Variants in SGTA observed in about 807,000 individuals in gnomAD.
SGTA encodes small glutamine rich tetratricopeptide repeat co-chaperone alpha.
Under a neutral mutation model 44.3 loss-of-function variants are expected in SGTA, and 22 were observed. The observed-to-expected ratio is 0.50, with a 90% CI of 0.36 to 0.71. SGTA has a LOEUF of 0.71. SGTA is among the 30% of genes least tolerant of loss of function. SGTA has a pLI of 0.00. For synonymous variants in SGTA, 174 were observed against 177.6 expected, an observed-to-expected ratio of 0.98 and a Z score of 0.16; for missense variants, 341 against 435.9, an observed-to-expected ratio of 0.78 and a Z score of 1.94.
Position 2,762,357 on chromosome 19 carries a change from C to A in SGTA, c.636+149G>T, listed in dbSNP as rs933521496. 2.8e-5 allele frequency: 21 copies of A among 744,616 alleles called. No homozygotes were observed. The South Asian group carries it at 3.1e-4, about 11-fold the overall frequency. The allele number at this position is 744,616 out of a possible 1,614,324, so 46.1% of individuals were successfully genotyped here. ...AACCTTCTCACGACACTCACTTCCA[C>A]GCCTGTGCATCTCACCACCAACTGA... On this transcript the variant is annotated intron_variant, in intron 7 of 11. Transcript: ENST00000221566.
intron 8 of SGTA, among the ~76,000 whole-genome samples, chr19:2,760,181 C>T (rs1914943131): frequency 6.6e-6 from 1 of 152,044 alleles, no homozygotes; most frequent in South Asian, 2.1e-4. Context: ...TCATGAAAGC[C>T]ACCAGTGACA....
At chr19:2,781,909 T>C (rs1344869690) in intron 1 of SGTA, among the ~76,000 whole-genome samples, 1 of 151,098 alleles carries the variant, frequency 6.6e-6, no homozygotes, top group African/African-American at 2.4e-5. Context: ...TGGCATGATG[T>C]TGGGTCACTG....
chr19:2,758,334 G>T (rs916354920), intron 9 of SGTA, among the ~76,000 whole-genome samples: 9 of 152,130 alleles, frequency 5.9e-5, no homozygotes, highest in African/African-American at 2.2e-4. Context: ...TTCAAGACCA[G>T]CCTGGCCAAC....
rs1914913892 is a variant in SGTA at position 2,759,186 on chromosome 19, T to C, written c.737+71A>G. On this transcript the variant is annotated intron_variant, in intron 9 of 11. Coordinates refer to ENST00000221566, the MANE Select transcript of SGTA (RefSeq NM_003021.4). ...CACTTTAAAGTGGTTAGTTTTATGTTAAGTGAATTTACCCACAATAAAAGG... is the reference window on the plus strand; with the variant it reads ...CACTTTAAAGTGGTTAGTTTTATGTCAAGTGAATTTACCCACAATAAAAGG... The C allele has an allele frequency of 2.1e-6, 3 of 1,405,110 alleles. No individual in the cohort carries two copies. The South Asian group carries it at 3.5e-5, about 16-fold the overall frequency. 87.0% of individuals were successfully genotyped at this position (1,405,110 alleles called of 1,614,324 possible).
At chr19:2,757,210 G>T in intron 11 of SGTA, 127 bp downstream of exon 11, 1 of 1,193,650 alleles carries the variant, frequency 8.4e-7, no homozygotes, top group Non-Finnish European at 1.2e-6. Flanking sequence ...CCCAGGACTC[G>T]CTGTCCAGTG....
chr19:2,761,197 T>C lies in SGTA; in HGVS notation c.699+263A>G, dbSNP rs967631812. On this transcript the variant is annotated intron_variant, in intron 8 of 11. Transcript: ENST00000221566. This position sits in a 1 kb window ranked among gnomAD's most constrained non-coding sequence, Gnocchi z 5.7. ...GCCAGCTTTTGGTGCTCACTACTGA[T>C]GGGTCTTGCTTGGGACATCAACATT... Among the ~76,000 whole-genome samples the C allele has an allele frequency of 2.6e-5, 4 of 152,064 alleles. No homozygotes were observed. The highest frequency in any genetic ancestry group is 9.7e-5 in the African/African-American group (4 of 41,384).
chr19:2,759,360 A>G (rs1452749800), intron 8 of SGTA, 66 bp from the exon 9 acceptor site: 22 of 1,472,916 alleles, frequency 1.5e-5, no homozygotes, highest in East Asian at 2.3e-5. Context: ...TTCATCAGAC[A>G]CTTTCCATCT....
intron 1 of SGTA, among the ~76,000 whole-genome samples, chr19:2,771,743 G>A (rs1814898587): frequency 6.6e-6 from 1 of 152,250 alleles, no homozygotes; most frequent in African/African-American, 2.4e-5. Context: ...GGGAGCATTT[G>A]GAGAACCTGC....
In SGTA at chr19:2,757,723, G is replaced by A. The variant is rs752130495; in HGVS notation, c.797C>T (p.Ser266Leu). 24 of 1,601,628 alleles carry A rather than the reference G, an allele frequency of 1.5e-5. No homozygotes were observed. Among genetic ancestry groups the A allele is most frequent in the Non-Finnish European group, 2.0e-5 (23 of 1,174,746 alleles). ...GATGAGGCTGGCCAGGTCGTTCTGC[G>A]AGGGGCTGGTGCCGGGAGTTCCCAA... ...NPLGTPGTSP[S>L]QNDLASLIQA... is the part of the protein sequence containing the mutation. The change falls in exon 10 of 12, where the codon TCG becomes TTG. Residue 266 changes from serine (S) to leucine (L), a missense_variant. Ser to Leu is a moderately radical substitution (Grantham distance 145, BLOSUM62 -2). Coordinates refer to ENST00000221566, the MANE Select transcript of SGTA (RefSeq NM_003021.4).
intron 5 of SGTA, among the ~76,000 whole-genome samples, chr19:2,764,195 A>G (rs1915077635): frequency 6.6e-6 from 1 of 152,126 alleles, no homozygotes; most frequent in Non-Finnish European, 1.5e-5. Context: ...AATTTTTTCA[A>G]AGTACAGAGA....
At chr19:2,759,346 CT>C in intron 8 of SGTA, 52 bp from the exon 9 acceptor site, 2 of 1,550,070 alleles carry the variant, frequency 1.3e-6, no homozygotes, top group Non-Finnish European at 1.8e-6. Context: ...GCGCATCATT[CT>C]CTTTCATCAG....
intron 8 of SGTA, among the ~76,000 whole-genome samples, chr19:2,760,837 C>A (rs892892816): frequency 6.6e-6 from 1 of 152,208 alleles, no homozygotes; most frequent in Non-Finnish European, 1.5e-5. Context: ...TTCTCCCCGA[C>A]AGCCTTAGGC....
rs983075330 is a variant in SGTA, at chr19:2,763,002, G to A, written c.498-358C>T. Among the ~76,000 whole-genome samples, 4 of 152,160 alleles carry A rather than the reference G, an allele frequency of 2.6e-5. No homozygotes were observed. Among genetic ancestry groups the A allele is most frequent in the Non-Finnish European group, 2.9e-5 (2 of 68,028 alleles). On this transcript the variant is annotated intron_variant, in intron 6 of 11. Transcript: ENST00000221566. The surrounding 1 kb of genome is among the most constrained non-coding windows in gnomAD (Gnocchi z 5.8). ...CCGGCACAGGGCACCAAGGACCCTCGGAACCTCTGAGCGACAGACATGTCT... is the reference window on the plus strand; with the variant it reads ...CCGGCACAGGGCACCAAGGACCCTCAGAACCTCTGAGCGACAGACATGTCT...
At chr19:2,758,385 C>T (rs143575526) in intron 9 of SGTA, among the ~76,000 whole-genome samples, 25 of 152,040 alleles carry the variant, frequency 1.6e-4, no homozygotes, top group Admixed American at 1.4e-3. Flanking sequence ...AAAAATCAGC[C>T]GGGCATGGTG....
chr19:2,759,154 A>C, intron 9 of SGTA, 103 bp downstream of exon 9: 1 of 1,041,226 alleles, frequency 9.6e-7, no homozygotes, highest in Admixed American at 1.8e-5. Context: ...AATGCCATTA[A>C]GTTGCACACT....
In SGTA at chr19:2,761,611, C is replaced by CG; in HGVS notation, c.637-90dup. On this transcript the variant is annotated intron_variant, in intron 7 of 11. Coordinates refer to ENST00000221566, the MANE Select transcript of SGTA (RefSeq NM_003021.4). This position sits in a 1 kb window ranked among gnomAD's most constrained non-coding sequence, Gnocchi z 5.7. Reference sequence around the variant, plus strand: ...GGAACTCAGAAACAACGGCCCCCCACGGGGCTCAGACATTCTATCAACCCT... The same window carrying CG: ...GGAACTCAGAAACAACGGCCCCCCACGGGGGCTCAGACATTCTATCAACCCT... 2 of 1,088,136 alleles carry CG rather than the reference C, an allele frequency of 1.8e-6. No individual in the cohort carries two copies. The highest frequency in any genetic ancestry group is 2.7e-6 in the Non-Finnish European group (2 of 732,682). The allele number at this position is 1,088,136 out of a possible 1,614,324, so 67.4% of individuals were successfully genotyped here.
intron 9 of SGTA, among the ~76,000 whole-genome samples, chr19:2,758,441 C>T (rs1914890171): frequency 6.6e-6 from 1 of 151,424 alleles, no homozygotes; most frequent in Admixed American, 6.6e-5. Context: ...CACTTGATCC[C>T]GGGAGGCAGA....
At chr19:2,769,264 G>C (rs1408154155) in intron 1 of SGTA, among the ~76,000 whole-genome samples, 173 bp from the exon 2 acceptor site, 1 of 152,144 alleles carries the variant, frequency 6.6e-6, no homozygotes. Context: ...ATGACCTGAG[G>C]CCCAGAGCTC....
At chr19:2,774,218 C>T (rs1286153765) in intron 1 of SGTA, among the ~76,000 whole-genome samples, 4 of 152,222 alleles carry the variant, frequency 2.6e-5, no homozygotes, top group South Asian at 2.1e-4. Context: ...GTCCTCGTGA[C>T]GACTCCAACA....
Sources: gnomAD v4.1 joint callset for allele counts (sites outside exome capture counted in the v4.1 genomes callset) on GRCh38, gnomAD v4.1.1 for gene constraint, Gnocchi (gnomAD v3.1) non-coding constraint, MANE v1.5 for transcripts, NCBI Gene and HGNC (gene_info 2026-07-23, HGNC 2026-07-21) for gene names.